DACH1: variants seen among roughly 807,000 people sequenced by gnomAD.
The protein encoded by DACH1 is dachshund homolog 1.
In DACH1, 12 loss-of-function variants were observed where a neutral mutation model predicts 54.2. That is an observed-to-expected ratio of 0.22 (90% CI 0.14 to 0.36). DACH1 has a LOEUF of 0.36. DACH1 is among the 10% of genes least tolerant of loss of function. The pLI is 1.00. For missense variants in DACH1, 805 were observed against 929.8 expected (o/e 0.87, Z 1.75); for synonymous variants, 386 against 366.2 (o/e 1.05, Z -0.62).
intron 1 of DACH1, among the ~76,000 whole-genome samples, chr13:71,712,252 T>C (rs977802620): frequency 6.6e-6 from 1 of 152,092 alleles, no homozygotes; most frequent in African/African-American, 2.4e-5. Flanking sequence ...TAAATCTTTT[T>C]TTCTTAGAAC....
intron 10 of DACH1, among the ~76,000 whole-genome samples, chr13:71,442,178 C>T (rs1315794119): frequency 1.3e-5 from 2 of 151,984 alleles, no homozygotes; most frequent in East Asian, 3.9e-4. Flanking sequence ...CCACTCCCTC[C>T]CCACTCTCCT....
intron 1 of DACH1, among the ~76,000 whole-genome samples, chr13:71,857,350 T>C (rs9572816): frequency 0.093 from 14,136 of 151,754 alleles, 1,375 homozygotes; most frequent in East Asian, 0.56. Flanking sequence ...TTTATTGATG[T>C]ATTGTTTCAT....
intron 6 of DACH1, among the ~76,000 whole-genome samples, chr13:71,524,027 C>T (rs1041319208): frequency 3.1e-4 from 47 of 152,204 alleles, no homozygotes; most frequent in African/African-American, 1.1e-3. Context: ...TAAAAATGTT[C>T]GTATTTACTT....
intron 10 of DACH1, among the ~76,000 whole-genome samples, chr13:71,460,834 C>A (rs1027611902): frequency 6.6e-6 from 1 of 151,986 alleles, no homozygotes; most frequent in Admixed American, 6.6e-5. Context: ...AAAGTAAGTG[C>A]AAATATGTTA....
At chr13:71,822,396 T>C (rs903244451) in intron 1 of DACH1, among the ~76,000 whole-genome samples, 1 of 152,198 alleles carries the variant, frequency 6.6e-6, no homozygotes, top group Non-Finnish European at 1.5e-5. Flanking sequence ...TCCTTCCTAA[T>C]ACATTTCTTA....
chr13:71,474,153 CAA>C (rs66539758), intron 10 of DACH1, among the ~76,000 whole-genome samples: 24 of 151,924 alleles, frequency 1.6e-4, no homozygotes, highest in African/African-American at 4.6e-4. Flanking sequence ...TAAATATAGG[CAA>C]AAAAAAATCC....
chr13:71,642,683 C>T (rs956482657), intron 2 of DACH1, among the ~76,000 whole-genome samples: 1 of 152,018 alleles, frequency 6.6e-6, no homozygotes, highest in Non-Finnish European at 1.5e-5. Context: ...AACATTAATA[C>T]ATCACAATAA....
At chr13:71,468,692 A>T (rs1876807142) in intron 10 of DACH1, among the ~76,000 whole-genome samples, 1 of 152,234 alleles carries the variant, frequency 6.6e-6, no homozygotes, top group South Asian at 2.1e-4. Flanking sequence ...ACCAAATGTC[A>T]TATATTAAAT....
chr13:71,803,576 T>A (rs1887372218), intron 1 of DACH1, among the ~76,000 whole-genome samples: 1 of 152,136 alleles, frequency 6.6e-6, no homozygotes, highest in Non-Finnish European at 1.5e-5. Context: ...CATAGACAAC[T>A]TACCCTTATA....
rs535823630 is a variant in DACH1 at position 71,630,596 on chromosome 13, A to T, written c.1086T>A (p.His362Gln). ...TGTCCCCGTTTTCAGAGTCTGCTCC[A>T]TGTTGGTTATTACTGGCATGATAGT... ...MSNYHASNNQHGADSENGDMN... is the reference protein window; with the variant it reads ...MSNYHASNNQQGADSENGDMN... The change falls in exon 3 of 11, where the codon CAT becomes CAA. Residue 362 changes from histidine to glutamine, a missense_variant. Around this residue, in one of 3 missense-constraint regions of DACH1, gnomAD observed 472 missense variants for 545.3 expected, o/e 0.87. Coordinates refer to ENST00000613252, the MANE Select transcript of DACH1 (RefSeq NM_080759.6). The T allele has an allele frequency of 8.6e-5, 138 of 1,606,736 alleles. No individual in the cohort carries two copies. In the South Asian group the frequency reaches 1.5e-3, roughly 17 times the overall value.
chr13:71,850,777 T>C (rs1200596691), intron 1 of DACH1, among the ~76,000 whole-genome samples: 1 of 152,190 alleles, frequency 6.6e-6, no homozygotes, highest in African/African-American at 2.4e-5. Flanking sequence ...GACAAATGAC[T>C]CCTTTAGAAT....
rs1344096730 is a variant in DACH1 at position 71,630,675 on chromosome 13, G to C, written c.1007C>G (p.Ala336Gly). ...CACCTTCATTGCTTCAGCAATAGCT[G>C]CATTGGTAGCAGCAGCAGCTGCTGC... is the stretch of plus-strand genomic sequence containing the variant. Reference protein sequence around the residue: ...AAAAAAAATNAAIAEAMKVKK... With the variant: ...AAAAAAAATNGAIAEAMKVKK... Residue 336 changes from alanine to glycine, a missense_variant, in exon 3 of 11, where the codon GCA becomes GGA. Physicochemically the swap from Ala to Gly is moderately conservative, Grantham distance 60. Around this residue, in one of 3 missense-constraint regions of DACH1, gnomAD observed 472 missense variants for 545.3 expected, o/e 0.87. Transcript: ENST00000613252. 1.2e-6 allele frequency: 2 copies of C among 1,606,698 alleles called. No individual in the cohort carries two copies. Among genetic ancestry groups the C allele is most frequent in the Non-Finnish European group, 1.7e-6 (2 of 1,178,150 alleles).
chr13:71,780,645 CA>C (rs76867649), intron 1 of DACH1, among the ~76,000 whole-genome samples: 3,641 of 125,470 alleles, frequency 0.029, 116 homozygotes, highest in African/African-American at 0.09. Context: ...GACTTCATCT[CA>C]AAAAAAAAAA....
intron 1 of DACH1, among the ~76,000 whole-genome samples, chr13:71,798,911 T>TC (rs1887170406): frequency 6.6e-6 from 1 of 152,048 alleles, no homozygotes. Flanking sequence ...GAAACTTCGC[T>TC]CCCCCAGGCC....
intron 3 of DACH1, among the ~76,000 whole-genome samples, chr13:71,622,738 T>C (rs1876339424): frequency 6.6e-6 from 1 of 151,852 alleles, no homozygotes; most frequent in Non-Finnish European, 1.5e-5. Context: ...ATATATATGA[T>C]ACATCCTATA....
At chr13:71,452,871 T>G (rs1875196592) in intron 10 of DACH1, among the ~76,000 whole-genome samples, 1 of 152,240 alleles carries the variant, frequency 6.6e-6, no homozygotes, top group Non-Finnish European at 1.5e-5. Flanking sequence ...AAATTACTGT[T>G]CTGTTTGACT....
At chr13:71,477,965 T>C (rs1356211223) in intron 8 of DACH1, among the ~76,000 whole-genome samples, 3 of 152,198 alleles carry the variant, frequency 2.0e-5, no homozygotes, top group East Asian at 1.9e-4. Context: ...GAAAACAGAA[T>C]GTAAATCCTC....
chr13:71,551,525 C>T (rs1330695180), intron 6 of DACH1, among the ~76,000 whole-genome samples: 2 of 152,134 alleles, frequency 1.3e-5, no homozygotes, highest in South Asian at 2.1e-4. Context: ...TTGTAGTTCC[C>T]ATGTATGTGA....
chr13:71,850,174 T>C (rs1277291612), intron 1 of DACH1, among the ~76,000 whole-genome samples: 1 of 152,214 alleles, frequency 6.6e-6, no homozygotes, highest in East Asian at 1.9e-4. Flanking sequence ...TTCCTCTTGT[T>C]AAAGTCTGTC....
Sources: gnomAD v4.1 joint callset for allele counts (sites outside exome capture counted in the v4.1 genomes callset) on GRCh38, gnomAD v4.1.1 for gene constraint, gnomAD v4.1.1 regional missense constraint, MANE v1.5 for transcripts, NCBI Gene and HGNC (gene_info 2026-07-23, HGNC 2026-07-21) for gene names.